Variants in FARS2 observed in about 807,000 individuals in gnomAD.
The protein encoded by FARS2 is phenylalanyl-tRNA synthetase 2, mitochondrial.
FARS2 carries 40 observed loss-of-function variants against 46.4 expected under a neutral mutation model. The ratio of observed to expected loss-of-function variants is 0.86; its 90% CI spans 0.67 to 1.12. FARS2 has a LOEUF of 1.12. Ranked by LOEUF, FARS2 falls within the 50% of genes most tolerant of loss-of-function variation. The pLI is 0.00. For missense variants in FARS2, 513 were observed against 567.9 expected, an observed-to-expected ratio of 0.90 and a Z score of 0.98; for synonymous variants, 234 against 214.9, an observed-to-expected ratio of 1.09 and a Z score of -0.78.
intron 4 of FARS2, among the ~76,000 whole-genome samples, chr6:5,454,685 C>A (rs1355441871): frequency 6.6e-6 from 1 of 152,096 alleles, no homozygotes; most frequent in Non-Finnish European, 1.5e-5. Flanking sequence ...AACTCTCGGT[C>A]CCGATAATCT....
chr6:5,590,309 G>C (rs141612946), intron 5 of FARS2, among the ~76,000 whole-genome samples: 99 of 152,248 alleles, frequency 6.5e-4, no homozygotes, highest in Non-Finnish European at 9.4e-4. Context: ...GTTCTCTGTG[G>C]AGCTTTCAGA....
intron 1 of FARS2, among the ~76,000 whole-genome samples, chr6:5,333,366 G>C (rs765265582): frequency 2.4e-4 from 36 of 152,170 alleles, no homozygotes; most frequent in Non-Finnish European, 4.4e-4. Context: ...TGCTAGTCAA[G>C]ATGCAGTCAG....
At chr6:5,552,050 T>TATCA (rs1243521364) in intron 5 of FARS2, among the ~76,000 whole-genome samples, 2 of 152,364 alleles carry the variant, frequency 1.3e-5, no homozygotes, top group African/African-American at 4.8e-5. Context: ...TTATTTAGCC[T>TATCA]ATCACTTGTG....
At position 5,761,132 on chromosome 6, in the gene FARS2, C is replaced by T. The variant is rs78653037; in HGVS notation, c.1218-10159C>T. On this transcript the variant is annotated intron_variant, in intron 6 of 6. Transcript: ENST00000274680. Reference sequence around the variant, plus strand: ...TCCACCTGTCAAAATCCTACTTGTGCTTTAACATCTAGACCTAATCTCATC... The same window carrying T: ...TCCACCTGTCAAAATCCTACTTGTGTTTTAACATCTAGACCTAATCTCATC... Among the ~76,000 whole-genome samples the T allele has an allele frequency of 3.5e-3, 528 of 152,300 alleles. 1 individual carries two copies. The highest frequency in any genetic ancestry group is 0.01 in the African/African-American group (436 of 41,562).
rs2150360012 is a variant in FARS2, at chr6:5,490,593, A to G, written c.905-54587A>G. On this transcript the variant is annotated intron_variant, in intron 4 of 6. Transcript: ENST00000274680. ...CAGTCTCTTCCCATATTTTGTCAGC[A>G]TGGGTTTGTGTGATCAGTAGAGTAT... Among the ~76,000 whole-genome samples the G allele has an allele frequency of 2.0e-5, 3 of 152,294 alleles. No individual in the cohort carries two copies. The South Asian group carries it at 6.2e-4, about 32-fold the overall frequency.
intron 5 of FARS2, among the ~76,000 whole-genome samples, chr6:5,546,438 G>A (rs890064683): frequency 6.6e-6 from 1 of 151,532 alleles, no homozygotes; most frequent in Non-Finnish European, 1.5e-5. Flanking sequence ...TTTTAGTAGA[G>A]ACGGGGTTTC....
At chr6:5,422,493 T>C (rs914960588) in intron 3 of FARS2, among the ~76,000 whole-genome samples, 7 of 152,180 alleles carry the variant, frequency 4.6e-5, no homozygotes, top group African/African-American at 1.7e-4. Context: ...AATGTGGTGT[T>C]GCACTGTCTG....
chr6:5,711,775 A>T (rs907387767), intron 6 of FARS2, among the ~76,000 whole-genome samples: 1 of 152,250 alleles, frequency 6.6e-6, no homozygotes, highest in Non-Finnish European at 1.5e-5. Context: ...AGGAGGCATG[A>T]CAACTAAATG....
chr6:5,693,884 A>C (rs1757929052), intron 6 of FARS2, among the ~76,000 whole-genome samples: 1 of 152,220 alleles, frequency 6.6e-6, no homozygotes, highest in Non-Finnish European at 1.5e-5. Flanking sequence ...CAAGTGTGCA[A>C]GTCAGCAGGT....
At chr6:5,255,964 G>C in the FARS2 span, among the ~76,000 whole-genome samples, 1 of 151,970 alleles carries the variant, frequency 6.6e-6, no homozygotes, top group Non-Finnish European at 1.5e-5. Flanking sequence ...CACTTATCAA[G>C]TACCTATTCT....
At chr6:5,416,526 T>C (rs1428849509) in intron 3 of FARS2, among the ~76,000 whole-genome samples, 1 of 152,228 alleles carries the variant, frequency 6.6e-6, no homozygotes, top group Admixed American at 6.5e-5. Flanking sequence ...CTTCACTGTC[T>C]TTATCACAGT....
chr6:5,483,593 G>A (rs1052602367), intron 4 of FARS2, among the ~76,000 whole-genome samples: 2 of 152,118 alleles, frequency 1.3e-5, no homozygotes, highest in African/African-American at 4.8e-5. Flanking sequence ...CCTGAACCCA[G>A]GAGGCAGAGG....
At chr6:5,315,737 TTTTC>T (rs1237719267) in intron 1 of FARS2, among the ~76,000 whole-genome samples, 29 of 148,572 alleles carry the variant, frequency 2.0e-4, no homozygotes, top group Admixed American at 5.4e-4. Flanking sequence ...TTTCTTTCTT[TTTTC>T]CTTTCTTTCT....
chr6:5,463,876 C>T (rs1426388142), intron 4 of FARS2, among the ~76,000 whole-genome samples: 2 of 152,096 alleles, frequency 1.3e-5, no homozygotes, highest in African/African-American at 2.4e-5. Flanking sequence ...TCCCCTTCTC[C>T]CAGTAATAGC....
At chr6:5,463,519 G>A (rs1462157068) in intron 4 of FARS2, among the ~76,000 whole-genome samples, 1 of 152,206 alleles carries the variant, frequency 6.6e-6, no homozygotes, top group Non-Finnish European at 1.5e-5. Context: ...TTGTGGCCTC[G>A]TCTTTGTAAG....
Position 5,330,047 on chromosome 6 carries a change from G to A in FARS2, c.-21-38503G>A, listed in dbSNP as rs574656576. On this transcript the variant is annotated intron_variant, in intron 1 of 6. Coordinates refer to ENST00000274680, the MANE Select transcript of FARS2 (RefSeq NM_006567.5). ...CTGAAGCTGTCTCATGGGTCACCAA[G>A]AGTGGCCTCATGAGAACAAAATATA... Among the ~76,000 whole-genome samples, 14 of 152,286 alleles carry A rather than the reference G, an allele frequency of 9.2e-5. 1 individual carries two copies. In the South Asian group the frequency reaches 2.9e-3, roughly 32 times the overall value.
intron 2 of FARS2, among the ~76,000 whole-genome samples, chr6:5,370,865 A>G (rs1759014684): frequency 6.6e-6 from 1 of 152,194 alleles, no homozygotes; most frequent in Admixed American, 6.5e-5. Context: ...ATAGTTAAAA[A>G]ATTATGCTCA....
intron 4 of FARS2, among the ~76,000 whole-genome samples, chr6:5,516,548 A>C (rs1350663821): frequency 6.6e-6 from 1 of 152,212 alleles, no homozygotes; most frequent in African/African-American, 2.4e-5. Context: ...TTACGGTGCT[A>C]TTCTGTGTTA....
chr6:5,473,190 C>G (rs907360589), intron 4 of FARS2, among the ~76,000 whole-genome samples: 4 of 152,114 alleles, frequency 2.6e-5, no homozygotes, highest in African/African-American at 9.7e-5. Flanking sequence ...AAACCTCATG[C>G]TTTGTAACTC....
Sources: gnomAD v4.1 joint callset for allele counts (sites outside exome capture counted in the v4.1 genomes callset) on GRCh38, gnomAD v4.1.1 for gene constraint, MANE v1.5 for transcripts, NCBI Gene and HGNC (gene_info 2026-07-23, HGNC 2026-07-21) for gene names.